Variants in XPO6 observed in about 807,000 individuals in gnomAD.
XPO6 encodes exportin-6.
Under a neutral mutation model 130.0 loss-of-function variants are expected in XPO6, and 3 were observed. The observed-to-expected ratio is 0.02, with a 90% CI of 0.01 to 0.06. The LOEUF (loss-of-function observed/expected upper bound fraction) is 0.06, where lower values mean the gene tolerates loss of function less well. Among genes scored for constraint, XPO6 ranks in the 10% least tolerant of loss-of-function variants. XPO6 has a pLI of 1.00. For missense variants in XPO6, 970 were observed against 1,393.0 expected (o/e 0.70, Z 4.83); for synonymous variants, 524 against 548.9 (o/e 0.95, Z 0.63).
Position 28,104,540 on chromosome 16 carries a change from C to A in XPO6, c.2946+6G>T. 6.2e-7 allele frequency: 1 copy of A among 1,614,070 alleles called. No individual in the cohort carries two copies. The highest frequency in any genetic ancestry group is 8.5e-7 in the Non-Finnish European group (1 of 1,179,948). On this transcript the variant is annotated splice_donor_region_variant and intron_variant, in intron 21 of 23. Transcript: ENST00000304658. The stretch of plus-strand genomic sequence containing the variant: ...TCACCTGGCAGCAACCCCGCCCCCA[C>A]GTTACCTGCATGATGGCACTGAACT...
intron 14 of XPO6, among the ~76,000 whole-genome samples, chr16:28,119,902 G>C (rs1165626387): frequency 6.6e-6 from 1 of 152,102 alleles, no homozygotes; most frequent in Non-Finnish European, 1.5e-5. Context: ...CTGTCACCCA[G>C]GCTGGAGAGC....
intron 7 of XPO6, 51 bp from the exon 8 acceptor site, chr16:28,152,836 A>G: frequency 1.9e-6 from 3 of 1,586,998 alleles, no homozygotes; most frequent in Non-Finnish European, 2.6e-6. Flanking sequence ...CCACCTCCTT[A>G]GAACTTAAAT....
At chr16:28,130,530 T>C (rs368008805) in intron 12 of XPO6, among the ~76,000 whole-genome samples, 1 of 152,228 alleles carries the variant, frequency 6.6e-6, no homozygotes, top group Admixed American at 6.5e-5. Context: ...ACTTGGCTTC[T>C]GAGCCACCAA....
chr16:28,177,646 C>T (rs2043553743), intron 2 of XPO6, among the ~76,000 whole-genome samples: 1 of 152,086 alleles, frequency 6.6e-6, no homozygotes, highest in Non-Finnish European at 1.5e-5. Flanking sequence ...CTAAGAGTAC[C>T]CTTCCATCTT....
chr16:28,202,950 T>C (rs1038814863), intron 1 of XPO6, among the ~76,000 whole-genome samples: 6 of 152,210 alleles, frequency 3.9e-5, no homozygotes, highest in Non-Finnish European at 7.3e-5. Context: ...AGCACACAGA[T>C]GTTACACATA....
chr16:28,124,330 T>C (rs1337697212), intron 13 of XPO6, among the ~76,000 whole-genome samples: 1 of 152,218 alleles, frequency 6.6e-6, no homozygotes, highest in Non-Finnish European at 1.5e-5. Flanking sequence ...AGTGTTGGGA[T>C]TACGGGCGTG....
intron 14 of XPO6, among the ~76,000 whole-genome samples, chr16:28,118,961 T>C (rs542611895): frequency 1.3e-5 from 2 of 152,328 alleles, no homozygotes; most frequent in Admixed American, 1.3e-4. Flanking sequence ...GGATTGTCAC[T>C]GTTTCTAGGA....
chr16:28,171,039 C>T (rs986242503), intron 4 of XPO6, among the ~76,000 whole-genome samples: 23 of 149,694 alleles, frequency 1.5e-4, no homozygotes, highest in African/African-American at 5.6e-4. Context: ...TTTCCTTAAT[C>T]TTAACTTTAA....
At chr16:28,169,550 G>C (rs990207222) in intron 5 of XPO6, among the ~76,000 whole-genome samples, 200 bp downstream of exon 5, 1 of 152,190 alleles carries the variant, frequency 6.6e-6, no homozygotes, top group Non-Finnish European at 1.5e-5. Context: ...GAAAGACTAC[G>C]AGGAAAATAA....
intron 6 of XPO6, among the ~76,000 whole-genome samples, chr16:28,160,608 G>C (rs1046471430): frequency 5.0e-4 from 76 of 151,714 alleles, no homozygotes; most frequent in African/African-American, 1.8e-3. Context: ...TCTGTGTAGA[G>C]ATGTCTGGAG....
chr16:28,158,588 C>A (rs2043219929), intron 6 of XPO6, among the ~76,000 whole-genome samples: 1 of 152,140 alleles, frequency 6.6e-6, no homozygotes, highest in Non-Finnish European at 1.5e-5. Flanking sequence ...TTTCTATCAG[C>A]AGATATAACT....
intron 4 of XPO6, among the ~76,000 whole-genome samples, chr16:28,171,429 G>A (rs1161126752): frequency 2.0e-5 from 3 of 148,600 alleles, no homozygotes; most frequent in African/African-American, 7.5e-5. Flanking sequence ...TTCCAGCCTG[G>A]GCAAGAGAGC....
intron 1 of XPO6, among the ~76,000 whole-genome samples, chr16:28,198,458 TTTAA>T (rs1343219280): frequency 3.3e-5 from 5 of 152,106 alleles, no homozygotes; most frequent in African/African-American, 1.2e-4. Flanking sequence ...CAGCACCTAC[TTTAA>T]TTGTCTAGCA....
chr16:28,193,046 G>A (rs1313748843), intron 1 of XPO6, among the ~76,000 whole-genome samples: 1 of 152,104 alleles, frequency 6.6e-6, no homozygotes, highest in Non-Finnish European at 1.5e-5. Context: ...CTCCCTCACT[G>A]TAAGTTCTTC....
At chr16:28,154,779 A>T (rs1324975438) in intron 7 of XPO6, among the ~76,000 whole-genome samples, 1 of 152,194 alleles carries the variant, frequency 6.6e-6, no homozygotes. Flanking sequence ...AAGTCAAAAC[A>T]ACTGATATTT....
chr16:28,205,811 G>A (rs1260899432), intron 1 of XPO6, among the ~76,000 whole-genome samples: 1 of 152,064 alleles, frequency 6.6e-6, no homozygotes. Context: ...GCCCAGACGG[G>A]TGGATCATGT....
chr16:28,169,665 C>T (rs2043418043), intron 5 of XPO6, 85 bp downstream of exon 5: 2 of 1,530,656 alleles, frequency 1.3e-6, no homozygotes, highest in Admixed American at 4.0e-5. Context: ...GCGCAAACAA[C>T]TGCTCAAAGC....
At chr16:28,174,041 TC>T (rs895583829) in intron 4 of XPO6, among the ~76,000 whole-genome samples, 1 of 151,996 alleles carries the variant, frequency 6.6e-6, no homozygotes. Context: ...GTCTTTCCTG[TC>T]TCCAGTGGGC....
intron 9 of XPO6, among the ~76,000 whole-genome samples, chr16:28,135,943 T>C (rs1214118447): frequency 6.6e-6 from 1 of 152,202 alleles, no homozygotes; most frequent in East Asian, 1.9e-4. Context: ...TTAAATCCCT[T>C]GTCCTTTCTT....
Sources: allele counts gnomAD v4.1 joint callset (sites outside exome capture counted in the v4.1 genomes callset), GRCh38; gene constraint gnomAD v4.1.1; transcripts MANE v1.5; gene names NCBI Gene and HGNC (gene_info 2026-07-23, HGNC 2026-07-21).